The following SBF2 variants were observed in gnomAD, a reference collection of about 807,000 sequenced individuals.
SBF2 encodes the protein myotubularin-related protein 13.
A neutral mutation model predicts 225.2 loss-of-function variants in SBF2; 112 were observed. That is an observed-to-expected ratio of 0.50 (90% confidence interval 0.43 to 0.58). The LOEUF is 0.58. SBF2 is among the 20% of genes least tolerant of loss of function. SBF2 has a pLI of 0.00. For synonymous variants in SBF2, 763 were observed against 773.3 expected (o/e 0.99, Z 0.22); for missense variants, 1,996 against 2,206.2 (o/e 0.90, Z 1.91).
In SBF2 at chr11:10,286,523, C is replaced by T. The variant is rs147292012; in HGVS notation, c.55+7492G>A. Among the ~76,000 whole-genome samples, 378 of 152,092 alleles carry T rather than the reference C, an allele frequency of 2.5e-3. 9 individuals carry two copies. The highest frequency in any genetic ancestry group is 0.025 in the East Asian group (128 of 5,156). ...TACAGGTGCACGCCACCACACTCAG[C>T]TAATTTTTGTATTTTTAGGAGAGAC... On this transcript the variant is annotated intron_variant, in intron 1 of 39. Transcript: ENST00000256190.
At chr11:10,260,785 A>ACAGGAGGATTGCTTGAGCC (rs1961351419) in intron 1 of SBF2, among the ~76,000 whole-genome samples, 1 of 151,248 alleles carries the variant, frequency 6.6e-6, no homozygotes, top group South Asian at 2.1e-4. Context: ...GGAGGTTAAG[A>ACAGGAGGATTGCTTGAGCC]CAGGAGGATT....
intron 13 of SBF2, among the ~76,000 whole-genome samples, chr11:9,985,730 A>G (rs1483116406): frequency 6.6e-6 from 1 of 152,226 alleles, no homozygotes; most frequent in African/African-American, 2.4e-5. Flanking sequence ...GCAGGAAAAT[A>G]TCACAATCCT....
chr11:9,995,475 C>A (rs1947650937), intron 9 of SBF2, among the ~76,000 whole-genome samples: 2 of 152,122 alleles, frequency 1.3e-5, no homozygotes, highest in Non-Finnish European at 1.5e-5. Flanking sequence ...TTAGTGTCTA[C>A]AAAATAATCC....
chr11:10,240,868 T>G (rs1959200029), intron 1 of SBF2, among the ~76,000 whole-genome samples: 1 of 152,222 alleles, frequency 6.6e-6, no homozygotes, highest in Non-Finnish European at 1.5e-5. Context: ...TTTAAATATC[T>G]GGGAATTTTT....
chr11:10,206,355 T>C (rs1957751702), intron 1 of SBF2, among the ~76,000 whole-genome samples: 1 of 151,836 alleles, frequency 6.6e-6, no homozygotes, highest in African/African-American at 2.4e-5. Flanking sequence ...AAAATTAAAC[T>C]GCCACTGGAA....
chr11:10,239,704 T>C (rs1037797231), intron 1 of SBF2, among the ~76,000 whole-genome samples: 6 of 137,770 alleles, frequency 4.4e-5, no homozygotes, highest in Non-Finnish European at 1.0e-4. Flanking sequence ...TGTTTTTTAT[T>C]TTACAAAAGA....
intron 2 of SBF2, 135 bp from the exon 3 acceptor site, chr11:10,043,116 A>G (rs1949718761): frequency 1.2e-6 from 1 of 815,974 alleles, no homozygotes; most frequent in South Asian, 1.8e-5. Context: ...CCAACATTTA[A>G]AAAAAAGTTA....
At position 9,800,388 on chromosome 11, in the gene SBF2, G is replaced by T. The variant is rs144230069; in HGVS notation, c.4444-4431C>A. On this transcript the variant is annotated intron_variant, in intron 32 of 39. Transcript: ENST00000256190. The stretch of plus-strand genomic sequence containing the variant: ...TTTGCTTAACAGGGATTTTTAAAAA[G>T]TATTTATTTATTTATTTAAATTATT... Among the ~76,000 whole-genome samples the T allele has an allele frequency of 2.5e-3, 387 of 152,036 alleles. 1 individual carries two copies. Among genetic ancestry groups the T allele is most frequent in the African/African-American group, 9.0e-3 (374 of 41,504 alleles).
intron 1 of SBF2, among the ~76,000 whole-genome samples, chr11:10,286,509 G>A (rs1591369416): frequency 6.6e-6 from 1 of 151,856 alleles, no homozygotes; most frequent in African/African-American, 2.4e-5. Flanking sequence ...ACAGGTGCAC[G>A]CCACCACACT....
chr11:9,805,567 G>A (rs1300830835), intron 32 of SBF2, among the ~76,000 whole-genome samples: 5 of 152,054 alleles, frequency 3.3e-5, no homozygotes, highest in Non-Finnish European at 1.5e-5. Flanking sequence ...GGAATAAAAG[G>A]ATTGTATCTG....
At chr11:9,868,366 A>AAAAG (rs1554933292) in intron 17 of SBF2, among the ~76,000 whole-genome samples, 3 of 114,868 alleles carry the variant, frequency 2.6e-5, no homozygotes, top group Admixed American at 9.0e-5. Context: ...AAAAAAAAAA[A>AAAAG]AATTAGGCGG....
At chr11:9,998,528 G>T (rs1284986114) in intron 8 of SBF2, 149 bp from the exon 9 acceptor site, 18 of 603,940 alleles carry the variant, frequency 3.0e-5, no homozygotes, top group Admixed American at 2.1e-4. Flanking sequence ...GGGCTAACAA[G>T]TTCCCACCTA....
chr11:10,070,533 C>A (rs1212983925), intron 2 of SBF2, among the ~76,000 whole-genome samples: 1 of 152,132 alleles, frequency 6.6e-6, no homozygotes, highest in Non-Finnish European at 1.5e-5. Flanking sequence ...TGGTTTGGTA[C>A]CAGCACCATG....
chr11:10,165,297 T>A (rs1955903015), intron 2 of SBF2, among the ~76,000 whole-genome samples: 1 of 152,188 alleles, frequency 6.6e-6, no homozygotes, highest in South Asian at 2.1e-4. Context: ...GCTATTGGTA[T>A]TTGAAGCTTG....
At chr11:10,101,300 G>C (rs1462851448) in intron 2 of SBF2, among the ~76,000 whole-genome samples, 2 of 152,212 alleles carry the variant, frequency 1.3e-5, no homozygotes, top group African/African-American at 4.8e-5. Context: ...ACAGGAGAAA[G>C]CTGAGCCTTG....
rs187113670 is a variant in SBF2 at position 10,058,184 on chromosome 11, A to C, written c.142-15203T>G. Among the ~76,000 whole-genome samples, 314 of 152,344 alleles carry C rather than the reference A, an allele frequency of 2.1e-3. 1 individual carries two copies. Among genetic ancestry groups the C allele is most frequent in the Non-Finnish European group, 3.6e-3 (243 of 68,032 alleles). On this transcript the variant is annotated intron_variant, in intron 2 of 39. Coordinates refer to ENST00000256190, the MANE Select transcript of SBF2 (RefSeq NM_030962.4). Reference sequence around the variant, plus strand: ...TAGGCCAAACTGGATGGATTGACGAATAGAATTCAGAATATGGATAGGAAC... The same window carrying C: ...TAGGCCAAACTGGATGGATTGACGACTAGAATTCAGAATATGGATAGGAAC...
intron 1 of SBF2, among the ~76,000 whole-genome samples, chr11:10,243,158 C>T (rs1959399578): frequency 6.6e-6 from 1 of 151,152 alleles, no homozygotes; most frequent in African/African-American, 2.4e-5. Context: ...TGGAATGAAA[C>T]TAAATCAAAA....
intron 1 of SBF2, among the ~76,000 whole-genome samples, chr11:10,201,463 T>C (rs532542493): frequency 1.3e-5 from 2 of 152,226 alleles, no homozygotes; most frequent in Admixed American, 1.3e-4. Flanking sequence ...AAAGAAAGCA[T>C]GCAGGAAATC....
chr11:9,797,180 G>A (rs1853176984), intron 32 of SBF2, among the ~76,000 whole-genome samples: 1 of 152,180 alleles, frequency 6.6e-6, no homozygotes, highest in Non-Finnish European at 1.5e-5. Context: ...TAGTCAGCTG[G>A]GTCAGCCAAA....
Sources: gnomAD v4.1 joint callset for allele counts (sites outside exome capture counted in the v4.1 genomes callset) on GRCh38, gnomAD v4.1.1 for gene constraint, MANE v1.5 for transcripts, NCBI Gene and HGNC (gene_info 2026-07-23, HGNC 2026-07-21) for gene names.